CATSPER3: variants seen among roughly 807,000 people sequenced by gnomAD.
CATSPER3 encodes the protein cation channel sperm associated 3.
A neutral mutation model predicts 36.6 loss-of-function variants in CATSPER3; 23 were observed. That is an observed-to-expected ratio of 0.63 (90% CI 0.45 to 0.89). CATSPER3 has a LOEUF of 0.89. Ranked by LOEUF, CATSPER3 falls within the 40% of genes least tolerant of loss-of-function variation. The pLI, the probability that CATSPER3 is intolerant of heterozygous loss-of-function variation, is 0.00. For synonymous variants in CATSPER3, 172 were observed against 184.1 expected (o/e 0.93, Z 0.53); for missense variants, 474 against 503.9 (o/e 0.94, Z 0.57).
intron 3 of CATSPER3, among the ~76,000 whole-genome samples, chr5:134,997,078 C>A (rs186687796): frequency 1.3e-5 from 2 of 152,372 alleles, no homozygotes; most frequent in East Asian, 3.9e-4. Context: ...GGCTGCCCCC[C>A]TGCCTTGAAT....
At chr5:135,009,004 C>T (rs573826670) in intron 5 of CATSPER3, 23 bp downstream of exon 5, 48 of 1,613,762 alleles carry the variant, frequency 3.0e-5, no homozygotes, top group Middle Eastern at 1.6e-4. Flanking sequence ...CTGTGAGGAT[C>T]GGAGGTCAGG....
chr5:134,992,651 G>A (rs986009251), intron 2 of CATSPER3, among the ~76,000 whole-genome samples: 1 of 152,086 alleles, frequency 6.6e-6, no homozygotes, highest in African/African-American at 2.4e-5. Flanking sequence ...CTTGAACCTG[G>A]GAGGCAGAGG....
At chr5:134,997,190 G>A (rs1207703399) in intron 3 of CATSPER3, among the ~76,000 whole-genome samples, 1 of 152,240 alleles carries the variant, frequency 6.6e-6, no homozygotes. Context: ...CCCGTGTTCA[G>A]TCGGGGTGTG....
intron 2 of CATSPER3, among the ~76,000 whole-genome samples, chr5:134,989,622 G>C (rs1751855015): frequency 6.6e-6 from 1 of 152,188 alleles, no homozygotes; most frequent in Non-Finnish European, 1.5e-5. Flanking sequence ...TCAAACAATT[G>C]AAGAGAATTA....
chr5:135,008,873 G>T lies in CATSPER3; in HGVS notation c.708G>T (p.Leu236Phe). 1 of 1,614,128 alleles carries T rather than the reference G, an allele frequency of 6.2e-7. No homozygotes were observed. Among genetic ancestry groups the T allele is most frequent in the Non-Finnish European group, 8.5e-7 (1 of 1,180,024 alleles). ...VDGWTDLQKQ[L>F]DNREFALSRA... ...GCTGGACAGACCTGCAGAAGCAGTT[G>T]GACAATCGGGAATTTGCTTTGAGCC... Residue 236 changes from leucine (L) to phenylalanine (F), a missense_variant, in exon 5 of 8, where the codon TTG becomes TTT. Leu to Phe is a conservative substitution (Grantham distance 22, BLOSUM62 0). Transcript: ENST00000282611.
intron 2 of CATSPER3, among the ~76,000 whole-genome samples, chr5:134,991,649 AAATG>A (rs1475099471): frequency 6.6e-6 from 1 of 152,268 alleles, no homozygotes; most frequent in East Asian, 1.9e-4. Context: ...AACAAACTCA[AAATG>A]AATCAACAAC....
chr5:135,003,809 A>C (rs1448366493), intron 3 of CATSPER3, among the ~76,000 whole-genome samples: 1 of 152,200 alleles, frequency 6.6e-6, no homozygotes, highest in Admixed American at 6.5e-5. Flanking sequence ...GGAAAAGTGC[A>C]GTATTAGGTG....
chr5:134,986,458 CTT>C (rs61671231), intron 2 of CATSPER3, among the ~76,000 whole-genome samples: 29 of 116,580 alleles, frequency 2.5e-4, no homozygotes, highest in South Asian at 1.3e-3. Flanking sequence ...ACAGCATACC[CTT>C]TTTTTTTTTT....
At chr5:134,994,196 T>C (rs1351347186) in intron 2 of CATSPER3, among the ~76,000 whole-genome samples, 1 of 152,182 alleles carries the variant, frequency 6.6e-6, no homozygotes, top group East Asian at 1.9e-4. Flanking sequence ...GTAACACATA[T>C]AACAGGCAAA....
At chr5:134,970,862 G>A (rs573538413) in intron 2 of CATSPER3, among the ~76,000 whole-genome samples, 2 of 152,218 alleles carry the variant, frequency 1.3e-5, no homozygotes, top group South Asian at 2.1e-4. Flanking sequence ...ATGAGCCATC[G>A]CGCCTGGCCA....
At chr5:134,971,896 C>G (rs1042204241) in intron 2 of CATSPER3, among the ~76,000 whole-genome samples, 1 of 152,122 alleles carries the variant, frequency 6.6e-6, no homozygotes, top group Admixed American at 6.5e-5. Flanking sequence ...AAACACAACA[C>G]AAAAGCAGAA....
rs138527279 is a variant in CATSPER3 at position 135,011,674 on chromosome 5, C to A, written c.*51C>A. 5.5e-4 allele frequency: 687 copies of A among 1,239,040 alleles called. 5 individuals are homozygous for A. In the African/African-American group the frequency reaches 8.8e-3, roughly 16 times the overall value. The allele number at this position is 1,239,040 out of a possible 1,614,324, so 76.8% of individuals were successfully genotyped here. ...AGAGCCTTGCAGACCATGACAGGTC[C>A]CTATTAAACACAGGCTTTCTGAGTT... is the stretch of plus-strand genomic sequence containing the variant. On this transcript the variant is annotated 3_prime_UTR_variant, in exon 8 of 8. Coordinates refer to ENST00000282611, the MANE Select transcript of CATSPER3 (RefSeq NM_178019.3).
chr5:134,982,047 T>G (rs2149547486), intron 2 of CATSPER3, among the ~76,000 whole-genome samples: 1 of 152,314 alleles, frequency 6.6e-6, no homozygotes, highest in South Asian at 2.1e-4. Flanking sequence ...GAGAATTGCC[T>G]GAACCCAGGA....
At chr5:135,000,884 T>C (rs1289591495) in intron 3 of CATSPER3, among the ~76,000 whole-genome samples, 21 of 152,222 alleles carry the variant, frequency 1.4e-4, no homozygotes, top group Admixed American at 1.3e-3. Context: ...CCTGGATTCA[T>C]TGATTTTTTT....
At chr5:135,000,200 A>C (rs112314929) in intron 3 of CATSPER3, among the ~76,000 whole-genome samples, 16,872 of 152,086 alleles carry the variant, frequency 0.11, 3,027 homozygotes, top group African/African-American at 0.38. Context: ...TGTTTATATG[A>C]TGGATTACGT....
intron 3 of CATSPER3, among the ~76,000 whole-genome samples, chr5:134,999,390 G>A (rs1419037597): frequency 4.6e-5 from 7 of 152,186 alleles, no homozygotes; most frequent in East Asian, 1.9e-4. Context: ...TTGGCAATGC[G>A]GGCTCTTTTT....
intron 2 of CATSPER3, among the ~76,000 whole-genome samples, chr5:134,989,479 A>C (rs1751853660): frequency 6.6e-6 from 1 of 152,234 alleles, no homozygotes; most frequent in South Asian, 2.1e-4. Context: ...GATCTTCGGG[A>C]TAAGGCGTTG....
chr5:135,010,517 A>G lies in CATSPER3; in HGVS notation c.1081A>G (p.Thr361Ala). Reference sequence around the variant, plus strand: ...CTTTTCCACTCTGGACTACCAGGACACAACTGTCCACAAGTCAGTTCCAGC... The same window carrying G: ...CTTTTCCACTCTGGACTACCAGGACGCAACTGTCCACAAGTCAGTTCCAGC... ...IYFSTLDYQD[T>A]TVHKLQELYY... Residue 361 changes from threonine (T) to alanine (A), a missense_variant, in exon 7 of 8, where the codon ACA (threonine) becomes GCA (alanine). Thr to Ala is a moderately conservative substitution (Grantham distance 58). Transcript: ENST00000282611. The G allele has an allele frequency of 6.2e-7, 1 of 1,614,138 alleles. No individual in the cohort carries two copies. The highest frequency in any genetic ancestry group is 1.3e-5 in the African/African-American group (1 of 75,044).
At chr5:135,008,219 G>A (rs949951274) in intron 4 of CATSPER3, 80 bp downstream of exon 4, 13 of 1,197,050 alleles carry the variant, frequency 1.1e-5, no homozygotes, top group Non-Finnish European at 1.6e-5. Flanking sequence ...TGGACATGTG[G>A]GGCCTCACAT....
Sources: gnomAD v4.1 joint callset for allele counts (sites outside exome capture counted in the v4.1 genomes callset) on GRCh38, gnomAD v4.1.1 for gene constraint, MANE v1.5 for transcripts, NCBI Gene and HGNC (gene_info 2026-07-23, HGNC 2026-07-21) for gene names.